ADAMTS20: variants seen among roughly 807,000 people sequenced by gnomAD.
ADAMTS20 encodes the protein A disintegrin and metalloproteinase with thrombospondin motifs 20.
A neutral mutation model predicts 260.1 loss-of-function variants in ADAMTS20; 225 were observed. That is an observed-to-expected ratio of 0.87 (90% confidence interval 0.78 to 0.97). ADAMTS20 has a LOEUF of 0.97. Among genes scored for constraint, ADAMTS20 ranks in the 50% least tolerant of loss-of-function variants. The probability of loss-of-function intolerance (pLI) is 0.00; values close to 1 mark genes in which losing one functional copy is unlikely to be tolerated. For synonymous variants in ADAMTS20, 802 were observed against 769.5 expected, an observed-to-expected ratio of 1.04 and a Z score of -0.70; for missense variants, 2,400 against 2,337.7, an observed-to-expected ratio of 1.03 and a Z score of -0.55.
intron 7 of ADAMTS20, among the ~76,000 whole-genome samples, chr12:43,480,623 T>C (rs1361318595): frequency 1.3e-5 from 2 of 152,150 alleles, no homozygotes; most frequent in Non-Finnish European, 2.9e-5. Flanking sequence ...CAATTCAGCC[T>C]TTAAAGAAGA....
intron 31 of ADAMTS20, among the ~76,000 whole-genome samples, chr12:43,381,106 G>A (rs890794911): frequency 3.9e-5 from 6 of 152,066 alleles, no homozygotes; most frequent in Non-Finnish European, 1.5e-5. Context: ...ATTGTCAATT[G>A]ATTTTTGACA....
At position 43,492,572 on chromosome 12, in the gene ADAMTS20, G is replaced by A. The variant is rs1942618819; in HGVS notation, c.1009C>T (p.Gln337Ter). The change falls in exon 6 of 39, where the codon CAA becomes TAA. Residue 337 changes from glutamine to a stop codon, truncating the protein, a stop_gained. Transcript: ENST00000389420. LOFTEE classifies it high-confidence loss of function. The stretch of plus-strand genomic sequence containing the variant: ...TCATCAAGGTCATTCTGAGTTTGTT[G>A]CCATGAACAAAAGTTCTTTAATGTG... Reference protein sequence around the residue: ...ATTLKNFCSWQQTQNDLDDVH... With the variant: ...ATTLKNFCSW The A allele has an allele frequency of 6.2e-7, 1 of 1,613,616 alleles. No individual in the cohort carries two copies. Among genetic ancestry groups the A allele is most frequent in the Admixed American group, 1.7e-5 (1 of 59,976 alleles).
intron 7 of ADAMTS20, among the ~76,000 whole-genome samples, chr12:43,477,839 G>C (rs1484109614): frequency 2.6e-5 from 4 of 152,176 alleles, no homozygotes; most frequent in Non-Finnish European, 5.9e-5. Context: ...GCTTCAAGGT[G>C]CATGTGGATG....
At chr12:43,534,483 T>C (rs932198392) in intron 2 of ADAMTS20, among the ~76,000 whole-genome samples, 8 of 152,184 alleles carry the variant, frequency 5.3e-5, no homozygotes, top group Admixed American at 3.3e-4. Context: ...ATCCTATATA[T>C]ACCATACATT....
intron 3 of ADAMTS20, among the ~76,000 whole-genome samples, chr12:43,509,203 C>T (rs2047770): frequency 0.46 from 70,316 of 151,748 alleles, 17,642 homozygotes; most frequent in East Asian, 0.97. Context: ...GAAATAGTGC[C>T]GCGATGAATA....
At chr12:43,381,422 T>G (rs1940348003) in intron 31 of ADAMTS20, among the ~76,000 whole-genome samples, 1 of 151,936 alleles carries the variant, frequency 6.6e-6, no homozygotes, top group Admixed American at 6.6e-5. Flanking sequence ...GGAGAAAATA[T>G]TTGCAAATCA....
intron 2 of ADAMTS20, among the ~76,000 whole-genome samples, chr12:43,532,464 C>T (rs1726136208): frequency 1.3e-5 from 2 of 151,168 alleles, no homozygotes; most frequent in Admixed American, 1.3e-4. Context: ...TAGATAAAAG[C>T]ATCAAAATGG....
intron 7 of ADAMTS20, among the ~76,000 whole-genome samples, chr12:43,484,176 C>A (rs1942485066): frequency 6.6e-6 from 1 of 151,778 alleles, no homozygotes; most frequent in Non-Finnish European, 1.5e-5. Context: ...TTAAAAAAAC[C>A]CAGTTGAATC....
intron 16 of ADAMTS20, among the ~76,000 whole-genome samples, chr12:43,442,477 C>A (rs1051381497): frequency 6.6e-6 from 1 of 152,042 alleles, no homozygotes; most frequent in African/African-American, 2.4e-5. Context: ...AGGCTGGTCT[C>A]GAACTCCTGA....
chr12:43,385,405 T>C (rs1231707322), intron 29 of ADAMTS20, among the ~76,000 whole-genome samples: 2 of 152,242 alleles, frequency 1.3e-5, no homozygotes, highest in African/African-American at 4.8e-5. Context: ...AATTGACTAT[T>C]CACGCTGATG....
chr12:43,364,315 T>A (rs955659), intron 37 of ADAMTS20, among the ~76,000 whole-genome samples: 59,724 of 151,972 alleles, frequency 0.39, 13,184 homozygotes, highest in East Asian at 0.89. Context: ...CAACAAAATT[T>A]ATGAGGCATA....
chr12:43,428,810 A>C lies in ADAMTS20; in HGVS notation c.3490-11T>G. ...ACAAGATACGGAGCACTTTTTAAGA[A>C]ATCAAATTGTATCCGGGCATTATAC... On this transcript the variant is annotated splice_polypyrimidine_tract_variant and intron_variant, in intron 24 of 38. Transcript: ENST00000389420. 1 of 1,596,902 alleles carries C rather than the reference A, an allele frequency of 6.3e-7. No homozygotes were observed. The highest frequency in any genetic ancestry group is 2.3e-5 in the East Asian group (1 of 44,230).
intron 6 of ADAMTS20, among the ~76,000 whole-genome samples, chr12:43,491,282 T>A (rs1426917111): frequency 6.6e-6 from 1 of 152,158 alleles, no homozygotes; most frequent in Non-Finnish European, 1.5e-5. Flanking sequence ...CTATACCATA[T>A]TGCCTTGGTG....
At chr12:43,541,052 A>G (rs1943370005) in intron 2 of ADAMTS20, among the ~76,000 whole-genome samples, 2 of 152,144 alleles carry the variant, frequency 1.3e-5, no homozygotes, top group African/African-American at 4.8e-5. Context: ...GTACTCTCAG[A>G]TTTCATTAAA....
intron 2 of ADAMTS20, among the ~76,000 whole-genome samples, chr12:43,542,311 C>T (rs1315260948): frequency 6.6e-6 from 1 of 152,064 alleles, no homozygotes; most frequent in Non-Finnish European, 1.5e-5. Flanking sequence ...TGGAAACATA[C>T]TCATGATATA....
At chr12:43,516,586 T>C in intron 3 of ADAMTS20, among the ~76,000 whole-genome samples, 1 of 152,192 alleles carries the variant, frequency 6.6e-6, no homozygotes, top group East Asian at 1.9e-4. Flanking sequence ...TTTTCACTTA[T>C]CTTCTTTACC....
chr12:43,445,816 T>C (rs1941749973), intron 15 of ADAMTS20, among the ~76,000 whole-genome samples: 2 of 152,200 alleles, frequency 1.3e-5, no homozygotes, highest in African/African-American at 4.8e-5. Flanking sequence ...TGTGCCACTG[T>C]ACTACAGCCT....
chr12:43,355,788 A>T (rs1160045117), intron 38 of ADAMTS20, among the ~76,000 whole-genome samples: 1 of 152,128 alleles, frequency 6.6e-6, no homozygotes, highest in Non-Finnish European at 1.5e-5. Context: ...TTAGAACACC[A>T]TACCTGCAGA....
In ADAMTS20 at chr12:43,432,304, C is replaced by T; in HGVS notation, c.3096G>A (p.Glu1032=). 1 of 1,613,380 alleles carries T rather than the reference C, an allele frequency of 6.2e-7. No homozygotes were observed. The highest frequency in any genetic ancestry group is 8.5e-7 in the Non-Finnish European group (1 of 1,179,676). Reference sequence around the variant, plus strand: ...TCCAAGCATCATGTGTTTAATGTACCTCGCTCCATTCACTAGCAGCCCAAC... The same window carrying T: ...TCCAAGCATCATGTGTTTAATGTACTTCGCTCCATTCACTAGCAGCCCAAC... The part of the protein sequence containing the change: ...CPSWAASEWS[E]CLVTCGKGTK... The change falls in exon 21 of 39, where the codon GAG becomes GAA. Residue 1032 remains glutamate (E), a splice_region_variant and synonymous_variant. Coordinates refer to ENST00000389420, the MANE Select transcript of ADAMTS20 (RefSeq NM_025003.5).
Sources: allele counts gnomAD v4.1 joint callset (sites outside exome capture counted in the v4.1 genomes callset), GRCh38; gene constraint gnomAD v4.1.1; transcripts MANE v1.5; gene names NCBI Gene and HGNC (gene_info 2026-07-23, HGNC 2026-07-21).